The following UPF2 variants were observed in gnomAD, a reference collection of about 807,000 sequenced individuals.
UPF2 encodes UPF2 regulator of nonsense mediated mRNA decay, also known as regulator of nonsense transcripts 2.
In UPF2, 17 loss-of-function variants were observed where a neutral mutation model predicts 141.4. That is an observed-to-expected ratio of 0.12 (90% CI 0.08 to 0.18). The LOEUF (loss-of-function observed/expected upper bound fraction) is 0.18, where lower values mean the gene tolerates loss of function less well. Among genes scored for constraint, UPF2 ranks in the 10% least tolerant of loss-of-function variants. The probability of loss-of-function intolerance (pLI) is 1.00; values close to 1 mark genes in which losing one functional copy is unlikely to be tolerated. For missense variants in UPF2, 1,152 were observed against 1,515.9 expected, an observed-to-expected ratio of 0.76 and a Z score of 3.99; for synonymous variants, 540 against 498.0, an observed-to-expected ratio of 1.08 and a Z score of -1.12.
intron 3 of UPF2, among the ~76,000 whole-genome samples, chr10:12,022,209 C>T (rs1364654121): frequency 2.7e-5 from 4 of 149,668 alleles, no homozygotes; most frequent in South Asian, 2.1e-4. Context: ...CTCAGGAGTT[C>T]GAGACCAGCC....
Position 12,019,721 on chromosome 10 carries a change from G to GT in UPF2, c.1146-5538dup, listed in dbSNP as rs935515536. On this transcript the variant is annotated intron_variant, in intron 3 of 21. Coordinates refer to ENST00000357604, the MANE Select transcript of UPF2 (RefSeq NM_015542.4). The surrounding 1 kb of genome is among the most constrained non-coding windows in gnomAD (Gnocchi z 4.5). ...ACGTCAGTCCTTGATTTTATGGAGTGTTTTTTTTTGTTTTGTTTTTGAGAT... is the reference window on the plus strand; with the variant it reads ...ACGTCAGTCCTTGATTTTATGGAGTGTTTTTTTTTTGTTTTGTTTTTGAGAT... Among the ~76,000 whole-genome samples, 10 of 151,036 alleles carry GT rather than the reference G, an allele frequency of 6.6e-5. No homozygotes were observed. The highest frequency in any genetic ancestry group is 8.9e-5 in the Non-Finnish European group (6 of 67,658).
chr10:11,964,558 G>A (rs999461813), intron 10 of UPF2, among the ~76,000 whole-genome samples: 6 of 152,000 alleles, frequency 3.9e-5, no homozygotes, highest in African/African-American at 9.7e-5. Flanking sequence ...TCATTTACGC[G>A]TATTTCTAAA....
At chr10:11,982,064 A>T (rs1431188885) in intron 8 of UPF2, among the ~76,000 whole-genome samples, 1 of 152,180 alleles carries the variant, frequency 6.6e-6, no homozygotes, top group East Asian at 1.9e-4. Flanking sequence ...GAGCAAATGA[A>T]TATTTAATGT....
At chr10:12,022,311 C>A (rs1834331943) in intron 3 of UPF2, among the ~76,000 whole-genome samples, 1 of 151,302 alleles carries the variant, frequency 6.6e-6, no homozygotes. Context: ...ACTTGGGAGG[C>A]TGAGGCAGGA....
chr10:12,032,149 C>T (rs191101369), intron 2 of UPF2, among the ~76,000 whole-genome samples: 25 of 152,076 alleles, frequency 1.6e-4, no homozygotes, highest in African/African-American at 5.1e-4. Context: ...CAAAAATTAG[C>T]CGGGCATGGT....
intron 1 of UPF2, among the ~76,000 whole-genome samples, chr10:12,036,870 A>G (rs1834634978): frequency 6.6e-6 from 1 of 152,152 alleles, no homozygotes; most frequent in Admixed American, 6.6e-5. Flanking sequence ...TACTAAAAAT[A>G]TAAAATTAGA....
chr10:12,017,054 G>C (rs1412490188), intron 3 of UPF2, among the ~76,000 whole-genome samples: 2 of 149,450 alleles, frequency 1.3e-5, no homozygotes, highest in East Asian at 1.9e-4. Flanking sequence ...AATGTATTAA[G>C]AAAAATGTTA....
chr10:11,930,705 C>T (rs946519271), intron 20 of UPF2, among the ~76,000 whole-genome samples: 12 of 152,140 alleles, frequency 7.9e-5, no homozygotes, highest in African/African-American at 2.9e-4. Flanking sequence ...CACTTGAGCC[C>T]AGGAGTTTGA....
rs1450602855 is a variant in UPF2 at position 11,998,642 on chromosome 10, C to T, written c.1759-885G>A. On this transcript the variant is annotated intron_variant, in intron 7 of 21. Transcript: ENST00000357604. The surrounding 1 kb of genome is among the most constrained non-coding windows in gnomAD (Gnocchi z 4.5). Reference sequence around the variant, plus strand: ...CCGAGGTGGGTGGATCACGTGAGGTCAGGAGTTCAAGACCAGCCTGGCCAA... The same window carrying T: ...CCGAGGTGGGTGGATCACGTGAGGTTAGGAGTTCAAGACCAGCCTGGCCAA... Among the ~76,000 whole-genome samples the T allele has an allele frequency of 6.6e-6, 1 of 152,132 alleles. No individual in the cohort carries two copies. The highest frequency in any genetic ancestry group is 1.5e-5 in the Non-Finnish European group (1 of 68,026).
At chr10:12,005,023 T>C (rs1283847411) in intron 4 of UPF2, among the ~76,000 whole-genome samples, 13 of 152,136 alleles carry the variant, frequency 8.5e-5, no homozygotes, top group Non-Finnish European at 1.9e-4. Context: ...AGGTCTACTT[T>C]CATGAAACTT....
intron 4 of UPF2, 26 bp from the exon 5 acceptor site, chr10:12,004,753 T>C (rs956375460): frequency 6.3e-7 from 1 of 1,586,964 alleles, no homozygotes; most frequent in Non-Finnish European, 8.6e-7. Flanking sequence ...TCACAAGTAA[T>C]TAACATAACT....
chr10:12,035,076 T>A lies in UPF2; in HGVS notation c.348A>T (p.Glu116Asp). The A allele has an allele frequency of 6.4e-7, 1 of 1,569,000 alleles. No homozygotes were observed. Among genetic ancestry groups the A allele is most frequent in the Non-Finnish European group, 8.6e-7 (1 of 1,167,644 alleles). Residue 116 changes from glutamate (E) to aspartate (D), a missense_variant, in exon 2 of 22, where the codon GAA (glutamate) becomes GAT (aspartate). Coordinates refer to ENST00000357604, the MANE Select transcript of UPF2 (RefSeq NM_015542.4). ...TGCCTTACTTCATCTGAGCAGCTGC[T>A]TCTTCTTCTTGCTGACGTTTGGCCT... ...EEQAKRQQEEEAAAQMKEKEE... is the reference protein window; with the variant it reads ...EEQAKRQQEEDAAAQMKEKEE...
intron 15 of UPF2, among the ~76,000 whole-genome samples, chr10:11,949,100 C>T (rs532497497): frequency 1.3e-5 from 2 of 152,280 alleles, no homozygotes; most frequent in East Asian, 1.9e-4. Context: ...AACTCCCTGG[C>T]CTGAATTTGC....
At chr10:11,928,266 G>A in intron 21 of UPF2, among the ~76,000 whole-genome samples, 1 of 152,096 alleles carries the variant, frequency 6.6e-6, no homozygotes. Context: ...GAACCCGGGA[G>A]GTAGAGGTTG....
intron 9 of UPF2, among the ~76,000 whole-genome samples, chr10:11,975,892 T>G (rs1194074559): frequency 2.0e-5 from 3 of 152,216 alleles, no homozygotes; most frequent in African/African-American, 7.2e-5. Context: ...ACCATTTTAT[T>G]AATCCACTGT....
In UPF2 at chr10:11,959,328, A is replaced by T. The variant is rs141631058; in HGVS notation, c.2213T>A (p.Met738Lys). 4 of 1,581,332 alleles carry T rather than the reference A, an allele frequency of 2.5e-6. No individual in the cohort carries two copies. The highest frequency in any genetic ancestry group is 2.6e-6 in the Non-Finnish European group (3 of 1,168,562). Residue 738 changes from methionine (M) to lysine (K), a missense_variant, in exon 12 of 22, where the codon ATG becomes AAG. Physicochemically the swap from Met to Lys is moderately conservative, Grantham distance 95. Coordinates refer to ENST00000357604, the MANE Select transcript of UPF2 (RefSeq NM_015542.4). This position sits in a 1 kb window ranked among gnomAD's most constrained non-coding sequence, Gnocchi z 5.9. ...LEQMMRKKQA[M>K]HLDARYVTMV... is the part of the protein sequence containing the mutation. ...TGTGACGTATCTCGCATCAAGATGC[A>T]TTGCTTGCTTCTTTCTCATCATTTG...
chr10:11,957,969 C>G (rs1382006680), intron 12 of UPF2, among the ~76,000 whole-genome samples: 1 of 151,932 alleles, frequency 6.6e-6, no homozygotes, highest in East Asian at 1.9e-4. Flanking sequence ...CGGGGGATAA[C>G]AAAAAAGTAC....
At chr10:11,985,220 A>G (rs968563038) in intron 8 of UPF2, among the ~76,000 whole-genome samples, 5 of 152,252 alleles carry the variant, frequency 3.3e-5, no homozygotes, top group African/African-American at 1.2e-4. Context: ...TTGATACAAA[A>G]TACCACCCTG....
intron 18 of UPF2, among the ~76,000 whole-genome samples, chr10:11,937,284 T>A (rs1197880124): frequency 6.6e-6 from 1 of 152,226 alleles, no homozygotes; most frequent in Non-Finnish European, 1.5e-5. Context: ...AGACTTGCCA[T>A]GTGTTACAGG....
Sources: gnomAD v4.1 joint callset for allele counts (sites outside exome capture counted in the v4.1 genomes callset) on GRCh38, gnomAD v4.1.1 for gene constraint, Gnocchi (gnomAD v3.1) non-coding constraint, MANE v1.5 for transcripts, NCBI Gene and HGNC (gene_info 2026-07-23, HGNC 2026-07-21) for gene names.